The following FBXL7 variants were observed in gnomAD, a reference collection of about 807,000 sequenced individuals.
The protein encoded by FBXL7 is F-box/LRR-repeat protein 7.
Under a neutral mutation model 38.3 loss-of-function variants are expected in FBXL7, and 12 were observed. That is an observed-to-expected ratio of 0.31 (90% confidence interval 0.20 to 0.51). The LOEUF is 0.51. Among genes scored for constraint, FBXL7 ranks in the 20% least tolerant of loss-of-function variants. FBXL7 has a pLI of 0.98. For missense variants in FBXL7, 567 were observed against 676.4 expected (o/e 0.84, Z 1.79); for synonymous variants, 297 against 300.9 (o/e 0.99, Z 0.13).
chr5:15,544,352 A>G (rs1424314919), intron 1 of FBXL7, among the ~76,000 whole-genome samples: 1 of 152,246 alleles, frequency 6.6e-6, no homozygotes, highest in Admixed American at 6.5e-5. Flanking sequence ...CAGTACGTCA[A>G]GGGAACCTCA....
chr5:15,712,867 C>G lies in FBXL7; in HGVS notation c.127+96795C>G, dbSNP rs77089535. 3.1e-3 allele frequency among the ~76,000 whole-genome samples: 479 copies of G among 152,200 alleles called. 20 individuals carry two copies. The East Asian group carries it at 0.073, about 23-fold the overall frequency. ...AAAACTTGACCAGACTAATAGCCCA[C>G]CAACAGAGCTGTGGTCCAGCATCTA... On this transcript the variant is annotated intron_variant, in intron 2 of 3. Coordinates refer to ENST00000504595, the MANE Select transcript of FBXL7 (RefSeq NM_012304.5).
chr5:15,548,467 T>C (rs581957), intron 1 of FBXL7, among the ~76,000 whole-genome samples: 15,298 of 152,230 alleles, frequency 0.1, 916 homozygotes, highest in African/African-American at 0.17. Context: ...GCTCTCAGTA[T>C]GCCTCTTTCT....
chr5:15,746,172 G>A (rs914175418), intron 2 of FBXL7, among the ~76,000 whole-genome samples: 1 of 152,162 alleles, frequency 6.6e-6, no homozygotes, highest in African/African-American at 2.4e-5. Flanking sequence ...ACTATTTAAT[G>A]ACTCAAGGAA....
At chr5:15,790,529 A>G (rs1324029453) in intron 2 of FBXL7, among the ~76,000 whole-genome samples, 1 of 152,230 alleles carries the variant, frequency 6.6e-6, no homozygotes, top group Non-Finnish European at 1.5e-5. Flanking sequence ...CACCCATGCC[A>G]GCATTTTTCT....
chr5:15,895,673 G>A (rs1157506481), intron 2 of FBXL7, among the ~76,000 whole-genome samples: 2 of 118,246 alleles, frequency 1.7e-5, no homozygotes, highest in East Asian at 2.4e-4. Flanking sequence ...ATGGAGTCTC[G>A]CTCTGTTGCC....
At chr5:15,654,700 C>T (rs916296713) in intron 2 of FBXL7, among the ~76,000 whole-genome samples, 2 of 152,130 alleles carry the variant, frequency 1.3e-5, no homozygotes, top group African/African-American at 2.4e-5. Context: ...AGTTTGGCCT[C>T]CTGTAGCACT....
chr5:15,522,316 T>C (rs1176342384), intron 1 of FBXL7, among the ~76,000 whole-genome samples: 1 of 152,182 alleles, frequency 6.6e-6, no homozygotes, highest in Non-Finnish European at 1.5e-5. Context: ...CTCCAAAATC[T>C]GTATGTATTT....
At chr5:15,541,147 C>T (rs1316581643) in intron 1 of FBXL7, among the ~76,000 whole-genome samples, 2 of 151,338 alleles carry the variant, frequency 1.3e-5, no homozygotes, top group East Asian at 3.9e-4. Flanking sequence ...ATGAGTTGCA[C>T]ATATAATGAC....
At chr5:15,799,356 C>CCT (rs781695665) in intron 2 of FBXL7, among the ~76,000 whole-genome samples, 1 of 90,876 alleles carries the variant, frequency 1.1e-5, no homozygotes, top group African/African-American at 4.3e-5. Context: ...AAACCCCTCC[C>CCT]TTTTTTTTTT....
chr5:15,709,510 G>A (rs186540757), intron 2 of FBXL7, among the ~76,000 whole-genome samples: 1 of 150,858 alleles, frequency 6.6e-6, no homozygotes, highest in Admixed American at 6.6e-5. Flanking sequence ...CTCCACCCTG[G>A]GTGACAGAGC....
chr5:15,566,594 G>C (rs965688778), intron 1 of FBXL7, among the ~76,000 whole-genome samples: 25 of 152,066 alleles, frequency 1.6e-4, no homozygotes, highest in African/African-American at 5.3e-4. Flanking sequence ...GAATTTTGGG[G>C]CCTAAACTCC....
intron 2 of FBXL7, among the ~76,000 whole-genome samples, chr5:15,692,101 G>A (rs1743199463): frequency 6.6e-6 from 1 of 152,156 alleles, no homozygotes; most frequent in Admixed American, 6.5e-5. Context: ...GTGAGAGCCT[G>A]AGCCCTCAGA....
chr5:15,658,930 A>G (rs930969321), intron 2 of FBXL7, among the ~76,000 whole-genome samples: 2 of 152,112 alleles, frequency 1.3e-5, no homozygotes, highest in Non-Finnish European at 2.9e-5. Flanking sequence ...GAAATTGGGC[A>G]TAAGACAATA....
rs372149606 is a variant in FBXL7, at chr5:15,513,135, G to A, written c.37+12422G>A. Among the ~76,000 whole-genome samples, 50 of 152,024 alleles carry A rather than the reference G, an allele frequency of 3.3e-4. No homozygotes were observed. In the South Asian group the frequency reaches 9.5e-3, roughly 29 times the overall value. On this transcript the variant is annotated intron_variant, in intron 1 of 3. Coordinates refer to ENST00000504595, the MANE Select transcript of FBXL7 (RefSeq NM_012304.5). The stretch of plus-strand genomic sequence containing the variant: ...GCTGCCCACATTGCTAAAATCAGAA[G>A]CAAAATAACCAATGTAAGAAAAAAA...
intron 1 of FBXL7, among the ~76,000 whole-genome samples, chr5:15,613,962 AGG>A (rs1740350911): frequency 6.6e-6 from 1 of 152,302 alleles, no homozygotes; most frequent in Non-Finnish European, 1.5e-5. Flanking sequence ...ACGTGGCAGA[AGG>A]GGGCAAGGAA....
chr5:15,610,026 G>C (rs1421199136), intron 1 of FBXL7, among the ~76,000 whole-genome samples: 8 of 152,208 alleles, frequency 5.3e-5, no homozygotes, highest in Non-Finnish European at 5.9e-5. Context: ...GCAGGCAAGA[G>C]AGAATAAAAG....
chr5:15,676,837 T>C (rs2126604878), intron 2 of FBXL7, among the ~76,000 whole-genome samples: 1 of 152,178 alleles, frequency 6.6e-6, no homozygotes, highest in Middle Eastern at 3.4e-3. Flanking sequence ...CCCAAGTAAA[T>C]GTTCCATATG....
chr5:15,896,851 T>C lies in FBXL7; in HGVS notation c.128-31039T>C, dbSNP rs534816211. ...AGGTGTTTTACAATACGTAATAGGA[T>C]GGCCTGGCATGGTGGGCCTTGCCTG... On this transcript the variant is annotated intron_variant, in intron 2 of 3. Transcript: ENST00000504595. Among the ~76,000 whole-genome samples the C allele has an allele frequency of 1.5e-4, 23 of 152,188 alleles. No individual in the cohort carries two copies. In the East Asian group the frequency reaches 4.4e-3, roughly 29 times the overall value.
At chr5:15,588,780 C>T (rs1272408533) in intron 1 of FBXL7, among the ~76,000 whole-genome samples, 1 of 152,178 alleles carries the variant, frequency 6.6e-6, no homozygotes, top group African/African-American at 2.4e-5. Flanking sequence ...TCTCTGACTT[C>T]TCTAGATGAT....
Sources: allele counts gnomAD v4.1 joint callset (sites outside exome capture counted in the v4.1 genomes callset), GRCh38; gene constraint gnomAD v4.1.1; transcripts MANE v1.5; gene names NCBI Gene and HGNC (gene_info 2026-07-23, HGNC 2026-07-21).